Variants in ANXA13 observed in about 807,000 individuals in gnomAD.
ANXA13 encodes the protein annexin XIII.
Under a neutral mutation model 46.6 loss-of-function variants are expected in ANXA13, and 36 were observed. The ratio of observed to expected loss-of-function variants is 0.77; its 90% CI spans 0.59 to 1.02. ANXA13 has a LOEUF of 1.02. ANXA13 is among the 50% of genes least tolerant of loss of function. ANXA13 has a pLI of 0.00. For missense variants in ANXA13, 417 were observed against 396.5 expected (o/e 1.05, Z -0.44); for synonymous variants, 163 against 152.9 (o/e 1.07, Z -0.49).
intron 2 of ANXA13, among the ~76,000 whole-genome samples, chr8:123,711,157 C>A (rs944472881): frequency 6.6e-5 from 10 of 152,204 alleles, no homozygotes; most frequent in Non-Finnish European, 2.9e-5. Flanking sequence ...AGCCACCACT[C>A]AAGCCCCATA....
intron 1 of ANXA13, among the ~76,000 whole-genome samples, chr8:123,718,253 C>T (rs1016127059): frequency 1.3e-5 from 2 of 152,226 alleles, no homozygotes; most frequent in Non-Finnish European, 2.9e-5. Context: ...CAGCAATAAA[C>T]TTTCCAGAAT....
intron 9 of ANXA13, among the ~76,000 whole-genome samples, chr8:123,687,405 A>T (rs769806632): frequency 2.6e-5 from 4 of 152,116 alleles, no homozygotes; most frequent in Non-Finnish European, 5.9e-5. Context: ...GTCATCGCCG[A>T]GGTCTGAATT....
chr8:123,694,935 A>G (rs1353546992), intron 6 of ANXA13, among the ~76,000 whole-genome samples: 1 of 151,784 alleles, frequency 6.6e-6, no homozygotes, highest in Non-Finnish European at 1.5e-5. Flanking sequence ...AAATGCACAG[A>G]GCTCGTAAAG....
chr8:123,699,072 A>C (rs1813397376), intron 3 of ANXA13, among the ~76,000 whole-genome samples: 1 of 152,228 alleles, frequency 6.6e-6, no homozygotes, highest in African/African-American at 2.4e-5. Context: ...CATGGGAAGA[A>C]CGACGGCCTG....
At chr8:123,735,777 C>T in intron 1 of ANXA13, 6 of 1,611,946 alleles carry the variant, frequency 3.7e-6, no homozygotes, top group Non-Finnish European at 5.1e-6. Flanking sequence ...CTCTGGCTCT[C>T]CATTCCGTGA....
rs531966777 is a variant in ANXA13, at chr8:123,699,462, G to A, written c.187-903C>T. Among the ~76,000 whole-genome samples the A allele has an allele frequency of 3.7e-4, 57 of 152,286 alleles. No homozygotes were observed. In the Middle Eastern group the frequency reaches 0.014, roughly 36 times the overall value. On this transcript the variant is annotated intron_variant, in intron 3 of 10. Transcript: ENST00000419625. The stretch of plus-strand genomic sequence containing the variant: ...CTCTCAAAGTGCTGGGATTATAGGC[G>A]TGAGCCACCATGACCCCAGCCTGCC...
chr8:123,736,682 T>C (rs939093062), intron 1 of ANXA13, among the ~76,000 whole-genome samples: 3 of 152,198 alleles, frequency 2.0e-5, no homozygotes, highest in Non-Finnish European at 2.9e-5. Context: ...TGAAGTTTTA[T>C]ACAAATTTGC....
chr8:123,689,770 G>C (rs1452968200), intron 8 of ANXA13, among the ~76,000 whole-genome samples: 2 of 152,288 alleles, frequency 1.3e-5, no homozygotes, highest in Admixed American at 1.3e-4. Context: ...GCTGGGTTTG[G>C]AGAAATGCAA....
At chr8:123,731,193 C>A (rs1379520279) in intron 1 of ANXA13, among the ~76,000 whole-genome samples, 4 of 152,092 alleles carry the variant, frequency 2.6e-5, no homozygotes, top group Non-Finnish European at 4.4e-5. Flanking sequence ...CTAACAAGAT[C>A]CTGGATTATA....
chr8:123,711,499 C>T (rs1243787217), intron 2 of ANXA13: 1 of 152,546 alleles, frequency 6.6e-6, no homozygotes, highest in Non-Finnish European at 1.5e-5. Context: ...TTTGTTTTGA[C>T]TTCCTGCAGA....
chr8:123,702,054 A>G (rs1183536721), intron 3 of ANXA13, among the ~76,000 whole-genome samples: 1 of 152,202 alleles, frequency 6.6e-6, no homozygotes, highest in African/African-American at 2.4e-5. Flanking sequence ...ATAATAATTG[A>G]TATTCATTTT....
chr8:123,702,355 T>C (rs1333710390), intron 3 of ANXA13, among the ~76,000 whole-genome samples: 3 of 152,134 alleles, frequency 2.0e-5, no homozygotes, highest in African/African-American at 7.2e-5. Flanking sequence ...TAGCTACATA[T>C]GTACAGTTAG....
intron 2 of ANXA13, among the ~76,000 whole-genome samples, chr8:123,707,110 C>T (rs545563164): frequency 2.0e-5 from 3 of 152,358 alleles, no homozygotes; most frequent in African/African-American, 7.2e-5. Context: ...GGTATTCCCA[C>T]AGAAGGCTGT....
chr8:123,695,750 A>G, intron 4 of ANXA13, 29 bp from the exon 5 acceptor site: 9 of 1,591,406 alleles, frequency 5.7e-6, no homozygotes, highest in African/African-American at 2.7e-5. Context: ...AAAAAAATCA[A>G]TATTCCAAGG....
At chr8:123,727,434 A>G (rs777427618) in intron 1 of ANXA13, among the ~76,000 whole-genome samples, 3 of 152,128 alleles carry the variant, frequency 2.0e-5, no homozygotes, top group African/African-American at 7.2e-5. Context: ...CATTCTGAGG[A>G]CATCTGCCCT....
At position 123,690,612 on chromosome 8, in the gene ANXA13, A is replaced by G. The variant is rs1813216624; in HGVS notation, c.643-1666T>C. 6.6e-6 allele frequency among the ~76,000 whole-genome samples: 1 copy of G among 152,216 alleles called. No individual in the cohort carries two copies. Among genetic ancestry groups the G allele is most frequent in the Non-Finnish European group, 1.5e-5 (1 of 68,034 alleles). ...GATACTTCTCACTTCAGTTACTGCAACGTGATTCTTAGGGGCTCTTTGTAC... is the reference window on the plus strand; with the variant it reads ...GATACTTCTCACTTCAGTTACTGCAGCGTGATTCTTAGGGGCTCTTTGTAC... On this transcript the variant is annotated intron_variant, in intron 8 of 10. Transcript: ENST00000419625. The surrounding 1 kb of genome is among the most constrained non-coding windows in gnomAD (Gnocchi z 4.6).
chr8:123,712,946 C>T (rs930858712), intron 1 of ANXA13, among the ~76,000 whole-genome samples, 193 bp from the exon 2 acceptor site: 1 of 152,172 alleles, frequency 6.6e-6, no homozygotes, highest in African/African-American at 2.4e-5. Flanking sequence ...CTCCTTGGGG[C>T]CAGCTGGCCT....
rs140522586 is a variant in ANXA13, at chr8:123,682,700, G to A, written c.832-1341C>T. On this transcript the variant is annotated intron_variant, in intron 10 of 10. Coordinates refer to ENST00000419625, the MANE Select transcript of ANXA13 (RefSeq NM_004306.4). ...GCTCCGCTGCTTGGCTCCTTGCCCC[G>A]TGCTGGGACACGGGCAGGAAGGTGG... Among the ~76,000 whole-genome samples the A allele has an allele frequency of 2.0e-4, 30 of 152,104 alleles. No individual in the cohort carries two copies. In the Middle Eastern group the frequency reaches 0.014, roughly 69 times the overall value.
intron 2 of ANXA13, among the ~76,000 whole-genome samples, chr8:123,703,158 G>A (rs1813476957): frequency 6.6e-6 from 1 of 152,330 alleles, no homozygotes; most frequent in African/African-American, 2.4e-5. Context: ...CCATACAATG[G>A]AATGTTATTT....
Sources: gnomAD v4.1 joint callset for allele counts (sites outside exome capture counted in the v4.1 genomes callset) on GRCh38, gnomAD v4.1.1 for gene constraint, Gnocchi (gnomAD v3.1) non-coding constraint, MANE v1.5 for transcripts, NCBI Gene and HGNC (gene_info 2026-07-23, HGNC 2026-07-21) for gene names.